The following AGBL4 variants were observed in gnomAD, a reference collection of about 807,000 sequenced individuals.
The protein encoded by AGBL4 is AGBL carboxypeptidase 4, also known as cytosolic carboxypeptidase 6.
Under a neutral mutation model 66.4 loss-of-function variants are expected in AGBL4, and 58 were observed. The observed-to-expected ratio is 0.87, with a 90% CI of 0.71 to 1.09. AGBL4 has a LOEUF of 1.09. Among genes scored for constraint, AGBL4 ranks in the 50% least tolerant of loss-of-function variants. AGBL4 has a pLI of 0.00. For missense variants in AGBL4, 579 were observed against 631.0 expected (o/e 0.92, Z 0.88); for synonymous variants, 234 against 222.9 (o/e 1.05, Z -0.44).
At chr1:49,013,325 T>G (rs951069970) in intron 5 of AGBL4, among the ~76,000 whole-genome samples, 1 of 152,170 alleles carries the variant, frequency 6.6e-6, no homozygotes, top group African/African-American at 2.4e-5. Context: ...TTACACATCA[T>G]GGGTTCAATA....
At chr1:49,487,166 TGA>T (rs1359310822) in intron 3 of AGBL4, among the ~76,000 whole-genome samples, 1 of 152,024 alleles carries the variant, frequency 6.6e-6, no homozygotes. Context: ...ATTATGCTAT[TGA>T]GTTTTACTCA....
chr1:49,797,988 A>T (rs1571588770), intron 2 of AGBL4, among the ~76,000 whole-genome samples: 1 of 152,056 alleles, frequency 6.6e-6, no homozygotes, highest in Middle Eastern at 3.4e-3. Flanking sequence ...GTCTCGAACT[A>T]CAGACCTCAG....
chr1:49,841,524 C>T (rs1349806842), intron 2 of AGBL4, among the ~76,000 whole-genome samples: 1 of 151,912 alleles, frequency 6.6e-6, no homozygotes, highest in Non-Finnish European at 1.5e-5. Context: ...AAAAAGAGTC[C>T]AAATACCCAA....
At chr1:49,871,163 G>C (rs952114946) in intron 1 of AGBL4, among the ~76,000 whole-genome samples, 1 of 151,818 alleles carries the variant, frequency 6.6e-6, no homozygotes, top group Non-Finnish European at 1.5e-5. Flanking sequence ...CAGCATCTGG[G>C]CCCCTGTATT....
chr1:49,165,582 C>A (rs1468564848), intron 4 of AGBL4, among the ~76,000 whole-genome samples: 1 of 150,642 alleles, frequency 6.6e-6, no homozygotes, highest in East Asian at 2.0e-4. Context: ...ATAGTATAAT[C>A]TTGATAATGT....
intron 2 of AGBL4, among the ~76,000 whole-genome samples, chr1:49,849,251 T>G (rs1003131297): frequency 6.6e-6 from 1 of 151,986 alleles, no homozygotes; most frequent in African/African-American, 2.4e-5. Flanking sequence ...CATGAGGGCA[T>G]TGATTTGGAA....
rs376812438 is a variant in AGBL4, at chr1:48,725,321, C to T, written c.635-62080G>A. On this transcript the variant is annotated intron_variant, in intron 6 of 13. Transcript: ENST00000371839. ...TATCCCAGACCTACCGAATCAGGCT[C>T]TCCAAGCCAAAGCAGAGGAAATTTG... is the stretch of plus-strand genomic sequence containing the variant. 5.3e-4 allele frequency among the ~76,000 whole-genome samples: 80 copies of T among 152,306 alleles called. 1 individual carries two copies. The South Asian group carries it at 0.013, about 25-fold the overall frequency.
intron 4 of AGBL4, among the ~76,000 whole-genome samples, chr1:49,181,678 C>A (rs1355655630): frequency 6.6e-6 from 1 of 152,204 alleles, no homozygotes; most frequent in Non-Finnish European, 1.5e-5. Flanking sequence ...TCCCTGGGAG[C>A]AAGAATTATG....
chr1:49,869,150 G>A (rs1571752975), intron 1 of AGBL4, among the ~76,000 whole-genome samples: 1 of 152,290 alleles, frequency 6.6e-6, no homozygotes, highest in Middle Eastern at 3.4e-3. Context: ...CTGTTGGTGG[G>A]AATGTAAATT....
intron 6 of AGBL4, among the ~76,000 whole-genome samples, chr1:48,851,843 A>T (rs1647038846): frequency 6.6e-6 from 1 of 152,078 alleles, no homozygotes; most frequent in South Asian, 2.1e-4. Flanking sequence ...TGCATGGCAA[A>T]TGCCAAACAT....
At chr1:49,405,259 C>T (rs1378665639) in intron 3 of AGBL4, among the ~76,000 whole-genome samples, 1 of 152,160 alleles carries the variant, frequency 6.6e-6, no homozygotes, top group African/African-American at 2.4e-5. Context: ...AGTACCCGTT[C>T]TCACCGGCTC....
chr1:48,864,764 C>T (rs1647830404), intron 6 of AGBL4, among the ~76,000 whole-genome samples: 1 of 151,944 alleles, frequency 6.6e-6, no homozygotes, highest in African/African-American at 2.4e-5. Context: ...CAGTGCTTAC[C>T]TGTAGGGTGA....
chr1:49,168,418 T>C (rs976378752), intron 4 of AGBL4, among the ~76,000 whole-genome samples: 1 of 152,128 alleles, frequency 6.6e-6, no homozygotes. Context: ...CTCAAGCATG[T>C]TTTTTCCTTG....
intron 3 of AGBL4, among the ~76,000 whole-genome samples, chr1:49,696,573 C>G (rs897802313): frequency 2.6e-5 from 4 of 151,770 alleles, no homozygotes; most frequent in South Asian, 2.1e-4. Flanking sequence ...TACTTCCAGG[C>G]TATGTATACA....
At chr1:49,898,953 A>G (rs1333516224) in intron 1 of AGBL4, among the ~76,000 whole-genome samples, 1 of 152,166 alleles carries the variant, frequency 6.6e-6, no homozygotes, top group Admixed American at 6.6e-5. Flanking sequence ...AGAGAGTAGA[A>G]GGATGGTTAC....
chr1:48,761,306 A>G (rs1644244934), intron 6 of AGBL4: 3 of 1,535,662 alleles, frequency 2.0e-6, no homozygotes, highest in African/African-American at 1.4e-5. Context: ...ATGCTCCAGC[A>G]TACCTCCAAA....
At chr1:49,971,938 G>T (rs1276456241) in intron 1 of AGBL4, among the ~76,000 whole-genome samples, 2 of 3,998 alleles carry the variant, frequency 5.0e-4, no homozygotes, top group Non-Finnish European at 4.4e-3. Context: ...TTTTTGCAGG[G>T]ACGGAGTCTC....
chr1:49,440,476 G>A lies in AGBL4; in HGVS notation c.283-194612C>T, dbSNP rs565978639. Among the ~76,000 whole-genome samples, 5 of 152,304 alleles carry A rather than the reference G, an allele frequency of 3.3e-5. No homozygotes were observed. In the South Asian group the frequency reaches 1.0e-3, roughly 32 times the overall value. On this transcript the variant is annotated intron_variant, in intron 3 of 13. Coordinates refer to ENST00000371839, the MANE Select transcript of AGBL4 (RefSeq NM_032785.4). ...GACACTCCTGATCCACTGCTCATGA[G>A]AGGCAAGGAGTTTAGTGACTCTATA... is the stretch of plus-strand genomic sequence containing the variant.
At chr1:48,672,713 T>A (rs1252452497) in intron 6 of AGBL4, among the ~76,000 whole-genome samples, 1 of 152,174 alleles carries the variant, frequency 6.6e-6, no homozygotes, top group Admixed American at 6.5e-5. Context: ...GGCCCAGACA[T>A]CACAGAGTAG....
Sources: allele counts gnomAD v4.1 joint callset (sites outside exome capture counted in the v4.1 genomes callset), GRCh38; gene constraint gnomAD v4.1.1; transcripts MANE v1.5; gene names NCBI Gene and HGNC (gene_info 2026-07-23, HGNC 2026-07-21).